Variants in GALNTL6 observed in about 807,000 individuals in gnomAD.
The protein encoded by GALNTL6 is polypeptide N-acetylgalactosaminyltransferase like 6.
GALNTL6 carries 46 observed loss-of-function variants against 73.7 expected under a neutral mutation model. The observed-to-expected ratio is 0.62, with a 90% CI of 0.49 to 0.80. GALNTL6 has a LOEUF of 0.80. GALNTL6 is among the 30% of genes least tolerant of loss of function. The pLI is 0.00. For missense variants in GALNTL6, 604 were observed against 755.0 expected, an observed-to-expected ratio of 0.80 and a Z score of 2.34; for synonymous variants, 259 against 263.7, an observed-to-expected ratio of 0.98 and a Z score of 0.17.
intron 2 of GALNTL6, among the ~76,000 whole-genome samples, chr4:171,902,329 G>A (rs1737122901): frequency 1.3e-5 from 2 of 152,178 alleles, no homozygotes; most frequent in South Asian, 4.1e-4. Flanking sequence ...TAGAAATTCA[G>A]GTGTCTGCAA....
intron 3 of GALNTL6, among the ~76,000 whole-genome samples, chr4:172,264,348 A>G (rs1738360610): frequency 6.6e-6 from 1 of 150,944 alleles, no homozygotes; most frequent in African/African-American, 2.4e-5. Context: ...ACATTACCCA[A>G]CCACCCTAAC....
chr4:172,351,115 A>G (rs1419160015), intron 5 of GALNTL6, among the ~76,000 whole-genome samples: 1 of 152,106 alleles, frequency 6.6e-6, no homozygotes, highest in Non-Finnish European at 1.5e-5. Context: ...CTACTATAGT[A>G]TAAATGTCTA....
At chr4:172,363,810 G>A (rs901239254) in intron 5 of GALNTL6, among the ~76,000 whole-genome samples, 7 of 152,130 alleles carry the variant, frequency 4.6e-5, no homozygotes, top group African/African-American at 1.7e-4. Context: ...AAAACTAAAT[G>A]TCTAAAAGTA....
intron 2 of GALNTL6, among the ~76,000 whole-genome samples, chr4:171,893,647 T>C (rs1436280804): frequency 6.6e-6 from 1 of 152,162 alleles, no homozygotes; most frequent in Non-Finnish European, 1.5e-5. Context: ...ATCCCCTTAA[T>C]TGAAGCAAAA....
intron 5 of GALNTL6, among the ~76,000 whole-genome samples, chr4:172,483,100 A>G (rs1733549163): frequency 6.6e-6 from 1 of 152,204 alleles, no homozygotes; most frequent in African/African-American, 2.4e-5. Flanking sequence ...AATCACTTTT[A>G]TAATATTTAA....
intron 2 of GALNTL6, among the ~76,000 whole-genome samples, chr4:171,933,618 G>T (rs2111000696): frequency 6.6e-6 from 1 of 152,188 alleles, no homozygotes; most frequent in African/African-American, 2.4e-5. Flanking sequence ...ATAAAATTCT[G>T]CAAAACAATT....
intron 5 of GALNTL6, among the ~76,000 whole-genome samples, chr4:172,490,028 T>C (rs555901303): frequency 2.0e-5 from 3 of 152,164 alleles, no homozygotes; most frequent in Non-Finnish European, 4.4e-5. Flanking sequence ...TCTTGGGATG[T>C]TTAAGGACTT....
At chr4:173,009,843 T>C (rs1278000997) in intron 11 of GALNTL6, among the ~76,000 whole-genome samples, 2 of 152,220 alleles carry the variant, frequency 1.3e-5, no homozygotes, top group African/African-American at 2.4e-5. Flanking sequence ...ATTGCTTTTA[T>C]TGATTTTTGT....
intron 5 of GALNTL6, among the ~76,000 whole-genome samples, chr4:172,352,791 T>G (rs1181271491): frequency 4.6e-5 from 7 of 151,924 alleles, no homozygotes. Flanking sequence ...AGGCGCACAC[T>G]CACTCATTTC....
chr4:172,652,616 C>T (rs1416955588), intron 5 of GALNTL6, among the ~76,000 whole-genome samples: 1 of 152,150 alleles, frequency 6.6e-6, no homozygotes, highest in Non-Finnish European at 1.5e-5. Context: ...ATCCCCAGGG[C>T]ATGAATTTTA....
chr4:172,721,070 A>G (rs1305206225), intron 5 of GALNTL6, among the ~76,000 whole-genome samples: 1 of 152,234 alleles, frequency 6.6e-6, no homozygotes, highest in Admixed American at 6.5e-5. Flanking sequence ...ATAAAAATGT[A>G]TTCAGTAATA....
At chr4:172,985,864 T>C (rs1579745450) in intron 10 of GALNTL6, among the ~76,000 whole-genome samples, 1 of 152,192 alleles carries the variant, frequency 6.6e-6, no homozygotes, top group East Asian at 1.9e-4. Context: ...ATAGGAGCAA[T>C]TGGGAGTTTG....
At position 172,506,505 on chromosome 4, in the gene GALNTL6, T is replaced by C. The variant is rs1734388323; in HGVS notation, c.553+157816T>C. On this transcript the variant is annotated intron_variant, in intron 5 of 12. Transcript: ENST00000506823. ...GCACTACCACATAGGAACCTGTTGG[T>C]CCTATAACAGAAGTGACAAGTTTAG... Among the ~76,000 whole-genome samples, 2 of 54,320 alleles carry C rather than the reference T, an allele frequency of 3.7e-5. 1 individual carries two copies. The allele number at this position is 54,320 out of a possible 152,430, so 35.6% of individuals were successfully genotyped here.
chr4:172,680,630 A>G (rs1294910825), intron 5 of GALNTL6, among the ~76,000 whole-genome samples: 2 of 152,188 alleles, frequency 1.3e-5, no homozygotes, highest in East Asian at 1.9e-4. Flanking sequence ...GGTGATCATG[A>G]TATCCTCTAG....
intron 2 of GALNTL6, among the ~76,000 whole-genome samples, chr4:172,220,983 A>G (rs1579270611): frequency 6.6e-6 from 1 of 151,890 alleles, no homozygotes; most frequent in African/African-American, 2.4e-5. Context: ...TAACTTAGCC[A>G]TGCTATTATC....
intron 5 of GALNTL6, among the ~76,000 whole-genome samples, chr4:172,552,929 C>G (rs988785371): frequency 6.8e-6 from 1 of 147,436 alleles, no homozygotes; most frequent in Non-Finnish European, 1.5e-5. Flanking sequence ...AGTACCTTTT[C>G]TCTCAAGTTG....
chr4:172,605,206 C>T (rs1473424286), intron 5 of GALNTL6, among the ~76,000 whole-genome samples: 4 of 152,128 alleles, frequency 2.6e-5, no homozygotes, highest in African/African-American at 4.8e-5. Context: ...GCCTGGTGAA[C>T]TTAAACATAG....
intron 5 of GALNTL6, among the ~76,000 whole-genome samples, chr4:172,785,534 G>A (rs1298970875): frequency 6.6e-6 from 1 of 151,864 alleles, no homozygotes; most frequent in East Asian, 1.9e-4. Context: ...CCAGGTACTC[G>A]AGTTATAGCA....
intron 5 of GALNTL6, among the ~76,000 whole-genome samples, chr4:172,464,643 G>A (rs190229040): frequency 6.5e-4 from 99 of 152,100 alleles, no homozygotes; most frequent in African/African-American, 2.2e-3. Context: ...AGAGGCAGAG[G>A]CTGCAGTGAG....
Sources: gnomAD v4.1 joint callset for allele counts (sites outside exome capture counted in the v4.1 genomes callset) on GRCh38, gnomAD v4.1.1 for gene constraint, MANE v1.5 for transcripts, NCBI Gene and HGNC (gene_info 2026-07-23, HGNC 2026-07-21) for gene names.